ZFAND3: variants seen among roughly 807,000 people sequenced by gnomAD.
ZFAND3 encodes zinc finger AN1-type containing 3.
In ZFAND3, 10 loss-of-function variants were observed where a neutral mutation model predicts 29.6. That is an observed-to-expected ratio of 0.34 (90% CI 0.21 to 0.57). The LOEUF (loss-of-function observed/expected upper bound fraction) is 0.57, where lower values mean the gene tolerates loss of function less well. Ranked by LOEUF, ZFAND3 falls within the 20% of genes least tolerant of loss-of-function variation. The pLI is 0.86. For synonymous variants in ZFAND3, 128 were observed against 112.6 expected (o/e 1.14, Z -0.87); for missense variants, 230 against 304.5 (o/e 0.76, Z 1.82).
rs778012781 is a variant in ZFAND3 at position 37,848,902 on chromosome 6, TCTC to T, written c.71+28889_71+28891del. On this transcript the variant is annotated intron_variant, in intron 1 of 5. Transcript: ENST00000287218. ...AGAATTGTTGAGAGAGCTGTCAGCT[TCTC>T]CTTTAAACTTCTATTTTGTATGGAA... 3.3e-5 allele frequency among the ~76,000 whole-genome samples: 5 copies of T among 152,322 alleles called. No individual in the cohort carries two copies. In the East Asian group the frequency reaches 7.7e-4, roughly 23 times the overall value.
chr6:37,886,656 A>G (rs1378626301), intron 1 of ZFAND3, among the ~76,000 whole-genome samples: 2 of 152,210 alleles, frequency 1.3e-5, no homozygotes, highest in African/African-American at 2.4e-5. Flanking sequence ...GTATCCATGC[A>G]TATGCTACAA....
At chr6:38,040,722 G>A (rs555231337) in intron 2 of ZFAND3, among the ~76,000 whole-genome samples, 10 of 152,138 alleles carry the variant, frequency 6.6e-5, no homozygotes, top group African/African-American at 1.7e-4. Flanking sequence ...ACACACCCAC[G>A]TGCATATTTT....
intron 3 of ZFAND3, among the ~76,000 whole-genome samples, chr6:38,065,663 A>G (rs1468986901): frequency 6.6e-6 from 1 of 152,226 alleles, no homozygotes; most frequent in African/African-American, 2.4e-5. Context: ...CCTAAGTTAT[A>G]GAGCTATTGC....
At chr6:37,825,031 A>AT (rs1255529019) in intron 1 of ZFAND3, among the ~76,000 whole-genome samples, 11 of 152,166 alleles carry the variant, frequency 7.2e-5, no homozygotes, top group Non-Finnish European at 1.0e-4. Flanking sequence ...CAATGTATAT[A>AT]TTTTTTCCCT....
At chr6:38,087,388 A>C (rs926117481) in intron 4 of ZFAND3, among the ~76,000 whole-genome samples, 1 of 152,216 alleles carries the variant, frequency 6.6e-6, no homozygotes. Context: ...TACAGCTAAC[A>C]AAGTGAAGAG....
intron 5 of ZFAND3, among the ~76,000 whole-genome samples, chr6:38,148,324 A>G (rs1333504697): frequency 6.6e-6 from 1 of 152,090 alleles, no homozygotes; most frequent in Non-Finnish European, 1.5e-5. Context: ...AAATCTGGGG[A>G]AAAAAGAATT....
chr6:37,955,557 C>T (rs867930541), intron 2 of ZFAND3, among the ~76,000 whole-genome samples: 2 of 152,156 alleles, frequency 1.3e-5, no homozygotes, highest in Admixed American at 6.6e-5. Context: ...AGGAAGAGAA[C>T]GGTGGGTACA....
chr6:37,820,698 T>C (rs527485296), intron 1 of ZFAND3, among the ~76,000 whole-genome samples: 32 of 152,380 alleles, frequency 2.1e-4, no homozygotes, highest in Admixed American at 6.5e-4. Flanking sequence ...TCAGCCTGGA[T>C]TGGGGAATAT....
intron 4 of ZFAND3, among the ~76,000 whole-genome samples, chr6:38,113,956 CAG>C (rs1435923158): frequency 6.6e-6 from 1 of 152,200 alleles, no homozygotes; most frequent in East Asian, 1.9e-4. Context: ...TTTTCAGACA[CAG>C]AGGTGTGAAA....
chr6:37,871,553 G>T (rs1413984236), intron 1 of ZFAND3, among the ~76,000 whole-genome samples: 1 of 152,064 alleles, frequency 6.6e-6, no homozygotes, highest in Admixed American at 6.5e-5. Context: ...TTTACATAAG[G>T]TTTATAAATT....
chr6:37,897,510 G>A (rs1283956993), intron 1 of ZFAND3, among the ~76,000 whole-genome samples: 2 of 152,154 alleles, frequency 1.3e-5, no homozygotes, highest in African/African-American at 2.4e-5. Flanking sequence ...ATTCAGCTTC[G>A]TATTTCAAGA....
chr6:37,965,464 A>G (rs561432981), intron 2 of ZFAND3, among the ~76,000 whole-genome samples: 1 of 152,134 alleles, frequency 6.6e-6, no homozygotes, highest in Non-Finnish European at 1.5e-5. Flanking sequence ...GGGAGTTCAT[A>G]TATCCATTTC....
At chr6:38,078,897 C>T (rs978049876) in intron 3 of ZFAND3, among the ~76,000 whole-genome samples, 2 of 152,196 alleles carry the variant, frequency 1.3e-5, no homozygotes, top group Non-Finnish European at 2.9e-5. Flanking sequence ...GCCACACTCT[C>T]CGGCATTAGA....
At chr6:37,975,334 G>T (rs1269798714) in intron 2 of ZFAND3, among the ~76,000 whole-genome samples, 1 of 151,534 alleles carries the variant, frequency 6.6e-6, no homozygotes, top group African/African-American at 2.4e-5. Context: ...TTTTTCTTTT[G>T]TTACTGATAC....
rs575553294 is a variant in ZFAND3, at chr6:38,087,817, C to T, written c.361+5360C>T. On this transcript the variant is annotated intron_variant, in intron 4 of 5. Coordinates refer to ENST00000287218, the MANE Select transcript of ZFAND3 (RefSeq NM_021943.3). ...ATAATTGGGCTCCCATATGATCCAG[C>T]CATTCCACTGCTGGGTACATAGCCA... Among the ~76,000 whole-genome samples the T allele has an allele frequency of 2.0e-5, 3 of 152,278 alleles. No homozygotes were observed. In the South Asian group the frequency reaches 6.2e-4, roughly 32 times the overall value.
intron 1 of ZFAND3, among the ~76,000 whole-genome samples, chr6:37,908,136 C>T (rs1005581958): frequency 1.3e-5 from 2 of 152,092 alleles, no homozygotes; most frequent in Admixed American, 6.6e-5. Flanking sequence ...GGTTCCCCTT[C>T]TTTTTGTTTG....
Position 37,861,299 on chromosome 6 carries a change from T to G in ZFAND3, c.71+41283T>G, listed in dbSNP as rs185680602. On this transcript the variant is annotated intron_variant, in intron 1 of 5. Coordinates refer to ENST00000287218, the MANE Select transcript of ZFAND3 (RefSeq NM_021943.3). ...AAATAGCATGATGAAAGTAAACAGT[T>G]TGATTTCAAAGATGAGAAAGGCTAT... 1.5e-3 allele frequency among the ~76,000 whole-genome samples: 224 copies of G among 152,156 alleles called. 1 individual carries two copies. Among genetic ancestry groups the G allele is most frequent in the African/African-American group, 5.3e-3 (218 of 41,510 alleles).
At chr6:38,022,705 ACTTTAAC>A (rs1364694784) in intron 2 of ZFAND3, among the ~76,000 whole-genome samples, 1 of 152,206 alleles carries the variant, frequency 6.6e-6, no homozygotes. Flanking sequence ...GAGTCTAAAG[ACTTTAAC>A]CTTGCTTTTC....
chr6:38,132,898 T>TA (rs1168526783), intron 5 of ZFAND3, among the ~76,000 whole-genome samples: 1 of 152,144 alleles, frequency 6.6e-6, no homozygotes, highest in Non-Finnish European at 1.5e-5. Flanking sequence ...TCACAAATCC[T>TA]CTTCTTCAAG....
Sources: gnomAD v4.1 joint callset for allele counts (sites outside exome capture counted in the v4.1 genomes callset) on GRCh38, gnomAD v4.1.1 for gene constraint, MANE v1.5 for transcripts, NCBI Gene and HGNC (gene_info 2026-07-23, HGNC 2026-07-21) for gene names.